The following PATL2 variants were observed in gnomAD, a reference collection of about 807,000 sequenced individuals.
The protein encoded by PATL2 is protein PAT1 homolog 2.
PATL2 carries 73 observed loss-of-function variants against 77.0 expected under a neutral mutation model. That is an observed-to-expected ratio of 0.95 (90% CI 0.78 to 1.15). The LOEUF (loss-of-function observed/expected upper bound fraction) is 1.15, where lower values mean the gene tolerates loss of function less well. Ranked by LOEUF, PATL2 falls within the 50% of genes most tolerant of loss-of-function variation. The pLI is 0.00. For synonymous variants in PATL2, 265 were observed against 257.1 expected, an observed-to-expected ratio of 1.03 and a Z score of -0.29; for missense variants, 618 against 655.4, an observed-to-expected ratio of 0.94 and a Z score of 0.62.
chr15:44,696,879 C>G (rs1171906184), intron 3 of PATL2, among the ~76,000 whole-genome samples: 1 of 152,146 alleles, frequency 6.6e-6, no homozygotes, highest in Non-Finnish European at 1.5e-5. Flanking sequence ...ATTGGAATCT[C>G]CTGGTGGGCA....
At chr15:44,695,166 C>T (rs1031848305) in intron 3 of PATL2, among the ~76,000 whole-genome samples, 2 of 150,576 alleles carry the variant, frequency 1.3e-5, no homozygotes, top group Non-Finnish European at 2.9e-5. Flanking sequence ...TCCAGCCTGG[C>T]GACAGAGCGA....
intron 5 of PATL2, chr15:44,674,724 T>A (rs552862972): frequency 6.6e-6 from 1 of 151,998 alleles, no homozygotes; most frequent in Non-Finnish European, 1.5e-5. Context: ...TGTGCTACCA[T>A]ATCTGGCTAA....
At chr15:44,677,994 T>G (rs375863679) in intron 3 of PATL2, among the ~76,000 whole-genome samples, 1 of 152,192 alleles carries the variant, frequency 6.6e-6, no homozygotes, top group African/African-American at 2.4e-5. Context: ...GCCACCACCA[T>G]GCCCAGCTAA....
At chr15:44,700,569 T>C (rs1012272570) in intron 3 of PATL2, among the ~76,000 whole-genome samples, 5 of 152,200 alleles carry the variant, frequency 3.3e-5, no homozygotes, top group African/African-American at 1.2e-4. Flanking sequence ...CCCAAAGTGC[T>C]GGGATTACAG....
chr15:44,667,761 G>T (rs138733131), intron 15 of PATL2, among the ~76,000 whole-genome samples: 152 of 152,258 alleles, frequency 1.0e-3, no homozygotes, highest in African/African-American at 3.3e-3. Context: ...TGGCCAACAT[G>T]GTGAAACCAT....
intron 3 of PATL2, among the ~76,000 whole-genome samples, chr15:44,686,774 A>T (rs927080314): frequency 6.6e-6 from 1 of 152,146 alleles, no homozygotes; most frequent in African/African-American, 2.4e-5. Flanking sequence ...ATACTATAAA[A>T]ACCTCTATGC....
intron 3 of PATL2, among the ~76,000 whole-genome samples, chr15:44,696,386 C>T (rs2086502700): frequency 6.6e-6 from 1 of 152,120 alleles, no homozygotes; most frequent in African/African-American, 2.4e-5. Context: ...TTTTAATAGG[C>T]TTATAATTAA....
chr15:44,702,450 A>T (rs1420357244), intron 3 of PATL2, among the ~76,000 whole-genome samples: 1 of 150,356 alleles, frequency 6.7e-6, no homozygotes, highest in Non-Finnish European at 1.5e-5. Context: ...CTTTTTGTTG[A>T]TCTTTTCTAT....
intron 3 of PATL2, among the ~76,000 whole-genome samples, chr15:44,705,240 T>A (rs2141271574): frequency 6.6e-6 from 1 of 152,248 alleles, no homozygotes; most frequent in East Asian, 1.9e-4. Context: ...TGGAGTGCAG[T>A]GCTGTGATCT....
Position 44,676,353 on chromosome 15 carries a change from C to T in PATL2, c.16+122G>A, listed in dbSNP as rs2085953678. The T allele has an allele frequency of 9.0e-6, 8 of 884,486 alleles. No individual in the cohort carries two copies. In the Middle Eastern group the frequency reaches 8.6e-4, roughly 95 times the overall value. The allele number at this position is 884,486 out of a possible 1,614,324, so 54.8% of individuals were successfully genotyped here. A position where few individuals can be genotyped will look rare whatever the true frequency, so the allele number is the denominator to read the frequency against. ...CAGTCACCCATTATGATATAATTAG[C>T]AAGTGGAAGAATTTGGAATAACTTC... On this transcript the variant is annotated intron_variant, in intron 4 of 17. Coordinates refer to ENST00000682850, the MANE Select transcript of PATL2 (RefSeq NM_001387263.1).
intron 3 of PATL2, among the ~76,000 whole-genome samples, chr15:44,700,283 G>A (rs972496570): frequency 6.6e-5 from 10 of 151,884 alleles, no homozygotes; most frequent in South Asian, 4.1e-4. Context: ...ATGACTGTAC[G>A]TTGATTTTCT....
chr15:44,689,548 C>G (rs2086339211), intron 3 of PATL2, among the ~76,000 whole-genome samples: 1 of 152,174 alleles, frequency 6.6e-6, no homozygotes, highest in Non-Finnish European at 1.5e-5. Context: ...AGGATGAGTT[C>G]ATGTCCTTTG....
At position 44,668,987 on chromosome 15, in the gene PATL2, G is replaced by A; in HGVS notation, c.1217C>T (p.Ala406Val). 2 of 1,543,740 alleles carry A rather than the reference G, an allele frequency of 1.3e-6. No individual in the cohort carries two copies. The highest frequency in any genetic ancestry group is 1.2e-5 in the South Asian group (1 of 83,048). Reference protein sequence around the residue: ...HLPLLVRRDVADQALQMLFKP... With the variant: ...HLPLLVRRDVVDQALQMLFKP... ...CACTCAATGCCACAGTACCTGATCA[G>A]CCACATCCCTCCGGACCAGGAGGGG... Residue 406 changes from alanine to valine, a missense_variant, in exon 14 of 18, where the codon GCT becomes GTT. Physicochemically the swap from Ala to Val is moderately conservative, Grantham distance 64. Transcript: ENST00000682850.
chr15:44,669,036 G>A lies in PATL2; in HGVS notation c.1168C>T (p.Leu390Phe). 11 of 1,551,224 alleles carry A rather than the reference G, an allele frequency of 7.1e-6. No individual in the cohort carries two copies. The highest frequency in any genetic ancestry group is 9.6e-6 in the Non-Finnish European group (11 of 1,146,714). ...GGCAGATGGTGGGTGATAGCCAAAA[G>A]AATGGTAACAGCCTGATCCTGGGGC... Reference protein sequence around the residue: ...FLPQDQAVTILLAITHHLPLL... With the variant: ...FLPQDQAVTIFLAITHHLPLL... Residue 390 changes from leucine (L) to phenylalanine (F), a missense_variant, in exon 14 of 18, where the codon CTT becomes TTT. Coordinates refer to ENST00000682850, the MANE Select transcript of PATL2 (RefSeq NM_001387263.1).
intron 3 of PATL2, among the ~76,000 whole-genome samples, chr15:44,679,552 CT>C (rs545161525): frequency 0.028 from 3,198 of 114,344 alleles, 74 homozygotes; most frequent in East Asian, 0.13. Flanking sequence ...TTTTCTTTTT[CT>C]TTTTTTTTTT....
At chr15:44,675,861 G>T (rs1048758662) in intron 4 of PATL2, 170 bp from the exon 5 acceptor site, 2 of 621,784 alleles carry the variant, frequency 3.2e-6, no homozygotes, top group Admixed American at 3.2e-5. Flanking sequence ...TTCTCCCAAG[G>T]TGCCCCGAAC....
chr15:44,709,017 G>A (rs922242828), intron 3 of PATL2, among the ~76,000 whole-genome samples: 1 of 152,138 alleles, frequency 6.6e-6, no homozygotes, highest in African/African-American at 2.4e-5. Context: ...TCCTGCCTCA[G>A]CCTCCTGAGT....
Position 44,665,889 on chromosome 15 carries a change from T to C in PATL2, c.*64A>G, listed in dbSNP as rs1275463379. The C allele has an allele frequency of 5.8e-6, 9 of 1,550,148 alleles. No individual in the cohort carries two copies. Among genetic ancestry groups the C allele is most frequent in the Non-Finnish European group, 7.9e-6 (9 of 1,146,086 alleles). ...CAGACTCTCTGGATCCCTGTAAACA[T>C]AGTCTATGTAGCTAGTGTCTGATGA... On this transcript the variant is annotated 3_prime_UTR_variant, in exon 18 of 18. Transcript: ENST00000682850.
chr15:44,711,388 A>C (rs2086858298), upstream of PATL2: 1 of 800,784 alleles, frequency 1.2e-6, no homozygotes, highest in Non-Finnish European at 2.1e-6. Flanking sequence ...GGAAACTGAA[A>C]ACGGGAAAGT....
Sources: allele counts gnomAD v4.1 joint callset (sites outside exome capture counted in the v4.1 genomes callset), GRCh38; gene constraint gnomAD v4.1.1; transcripts MANE v1.5; gene names NCBI Gene and HGNC (gene_info 2026-07-23, HGNC 2026-07-21).